Variants in UBR3 observed in about 807,000 individuals in gnomAD.
UBR3 encodes the protein E3 ubiquitin-protein ligase UBR3.
In UBR3, 85 loss-of-function variants were observed where a neutral mutation model predicts 243.2. The observed-to-expected ratio is 0.35, with a 90% CI of 0.29 to 0.42. UBR3 has a LOEUF of 0.42. UBR3 is among the 10% of genes least tolerant of loss of function. The pLI is 1.00. For synonymous variants in UBR3, 748 were observed against 799.8 expected (o/e 0.94, Z 1.09); for missense variants, 1,686 against 2,300.8 (o/e 0.73, Z 5.47).
chr2:170,028,741 A>T (rs747784671), intron 30 of UBR3, among the ~76,000 whole-genome samples: 1 of 150,778 alleles, frequency 6.6e-6, no homozygotes, highest in Non-Finnish European at 1.5e-5. Flanking sequence ...TCTAAATGTC[A>T]TGAGCAGAAT....
chr2:169,835,263 G>A (rs2082047490), intron 1 of UBR3, among the ~76,000 whole-genome samples: 1 of 152,036 alleles, frequency 6.6e-6, no homozygotes, highest in Non-Finnish European at 1.5e-5. Context: ...AGGCTGAGTT[G>A]GGAGTATTGC....
intron 1 of UBR3, among the ~76,000 whole-genome samples, chr2:169,843,415 G>A (rs918139116): frequency 6.6e-6 from 1 of 152,172 alleles, no homozygotes; most frequent in South Asian, 2.1e-4. Flanking sequence ...GCCTGAGCTA[G>A]TTCTGTCCAG....
chr2:169,973,364 C>T (rs1286687002), intron 24 of UBR3, among the ~76,000 whole-genome samples: 1 of 145,452 alleles, frequency 6.9e-6, no homozygotes, highest in African/African-American at 2.6e-5. Context: ...AGATTCAATG[C>T]CATCCCCATC....
At chr2:169,919,808 C>A (rs1340227586) in intron 11 of UBR3, among the ~76,000 whole-genome samples, 2 of 152,114 alleles carry the variant, frequency 1.3e-5, no homozygotes, top group Non-Finnish European at 2.9e-5. Flanking sequence ...AGTCAGGAAA[C>A]AACAGGTGCT....
chr2:170,030,540 G>C (rs562529564), intron 31 of UBR3, among the ~76,000 whole-genome samples: 9 of 151,772 alleles, frequency 5.9e-5, no homozygotes, highest in Admixed American at 2.6e-4. Context: ...TTAAAGTCTT[G>C]ATTCCTAATA....
chr2:170,080,894 G>A (rs2091893937), intron 38 of UBR3, among the ~76,000 whole-genome samples: 1 of 152,082 alleles, frequency 6.6e-6, no homozygotes, highest in Non-Finnish European at 1.5e-5. Context: ...TGAGGTTTTT[G>A]CCACAAAGAA....
At chr2:169,852,653 A>G (rs914456545) in intron 1 of UBR3, among the ~76,000 whole-genome samples, 2 of 150,414 alleles carry the variant, frequency 1.3e-5, no homozygotes, top group African/African-American at 2.4e-5. Flanking sequence ...GACCAGGTTG[A>G]CCAACGGGGT....
At chr2:169,838,385 ATTTGTGTGTGTGTGTGTGTG>A (rs1409003339) in intron 1 of UBR3, among the ~76,000 whole-genome samples, 4,024 of 131,642 alleles carry the variant, frequency 0.031, 102 homozygotes, top group Middle Eastern at 0.046. Flanking sequence ...AGATTAAGGC[ATTTGTGTGTGTGTGTGTGTG>A]TGTGTGTGTG....
At chr2:169,933,837 T>G (rs531422802) in intron 19 of UBR3, among the ~76,000 whole-genome samples, 13 of 152,092 alleles carry the variant, frequency 8.5e-5, no homozygotes, top group African/African-American at 3.1e-4. Context: ...GAATTTTAAT[T>G]CACTTCCTCC....
At chr2:170,024,082 T>C (rs1348193033) in intron 30 of UBR3, among the ~76,000 whole-genome samples, 1 of 152,142 alleles carries the variant, frequency 6.6e-6, no homozygotes, top group Non-Finnish European at 1.5e-5. Context: ...CTACCAGTTT[T>C]AGATTTCTTG....
At chr2:169,952,813 G>C (rs547979925) in intron 23 of UBR3, among the ~76,000 whole-genome samples, 2 of 152,050 alleles carry the variant, frequency 1.3e-5, no homozygotes, top group African/African-American at 4.8e-5. Flanking sequence ...ATTTGTTTCC[G>C]TGGGAGAAAG....
chr2:169,947,730 A>G lies in UBR3; in HGVS notation c.3084+15A>G. The G allele has an allele frequency of 6.9e-7, 1 of 1,443,102 alleles. No individual in the cohort carries two copies. The highest frequency in any genetic ancestry group is 9.1e-7 in the Non-Finnish European group (1 of 1,096,546). 89.4% of individuals were successfully genotyped at this position (1,443,102 alleles called of 1,614,324 possible). A position where few individuals can be genotyped will look rare whatever the true frequency, so the allele number is the denominator to read the frequency against. On this transcript the variant is annotated intron_variant, in intron 22 of 38. Coordinates refer to ENST00000272793, the MANE Select transcript of UBR3 (RefSeq NM_172070.4). ...GTTCTTTACAAGTAAGTGTAAATGTAAGAAAGAAAATAAGAAAAAGCTTTA... is the reference window on the plus strand; with the variant it reads ...GTTCTTTACAAGTAAGTGTAAATGTGAGAAAGAAAATAAGAAAAAGCTTTA...
intron 32 of UBR3, among the ~76,000 whole-genome samples, chr2:170,044,351 T>C (rs17634451): frequency 0.069 from 10,516 of 152,280 alleles, 385 homozygotes; most frequent in Non-Finnish European, 0.088. Context: ...CCTAGCTATA[T>C]ACCTCTTAAA....
intron 7 of UBR3, 61 bp from the exon 8 acceptor site, chr2:169,896,446 A>G (rs2084595974): frequency 9.1e-7 from 1 of 1,094,126 alleles, no homozygotes; most frequent in Admixed American, 3.1e-5. Context: ...TATATTGAAA[A>G]TGATTTTAAA....
intron 11 of UBR3, among the ~76,000 whole-genome samples, chr2:169,916,425 G>A (rs915109471): frequency 1.9e-4 from 29 of 151,808 alleles, no homozygotes; most frequent in African/African-American, 6.8e-4. Flanking sequence ...TCTCTGCTTT[G>A]ACTCTGAGTC....
chr2:169,877,230 C>T (rs6747239), intron 3 of UBR3, among the ~76,000 whole-genome samples: 116,659 of 152,104 alleles, frequency 0.77, 45,862 homozygotes, highest in Middle Eastern at 0.88. Context: ...CTTATTAATT[C>T]TTGTGCCCCA....
At chr2:169,993,502 T>C (rs981337440) in intron 25 of UBR3, among the ~76,000 whole-genome samples, 3 of 152,208 alleles carry the variant, frequency 2.0e-5, no homozygotes, top group African/African-American at 7.2e-5. Context: ...GAGTCCAAGT[T>C]GGTTGTTCCA....
chr2:169,836,031 CTCTCTCTCTCTCTATATATATA>C (rs1276441308), intron 1 of UBR3, among the ~76,000 whole-genome samples: 7 of 25,188 alleles, frequency 2.8e-4, no homozygotes, highest in African/African-American at 6.7e-4. Context: ...CTCTCTCTCT[CTCTCTCTCTCTCTATATATATA>C]TATATATATA....
chr2:169,958,497 A>C lies in UBR3; in HGVS notation c.3605A>C (p.Lys1202Thr). 6.2e-7 allele frequency: 1 copy of C among 1,613,132 alleles called. No individual in the cohort carries two copies. Among genetic ancestry groups the C allele is most frequent in the East Asian group, 2.2e-5 (1 of 44,794 alleles). The change falls in exon 24 of 39, where the codon AAA (lysine) becomes ACA (threonine). Residue 1202 changes from lysine (K) to threonine (T), a missense_variant. Lys to Thr is a moderately conservative substitution (Grantham distance 78). Around this residue, in one of 8 missense-constraint regions of UBR3, gnomAD observed 156 missense variants for 246.3 expected, o/e 0.63. Transcript: ENST00000272793. ...KLLAEFASRQKSFMETAMDVD... is the reference protein window; with the variant it reads ...KLLAEFASRQTSFMETAMDVD... ...CTTGCGGAGTTTGCTTCACGACAGA[A>C]AAGCTTTATGGAAACTGCAATGGAT...
Sources: gnomAD v4.1 joint callset for allele counts (sites outside exome capture counted in the v4.1 genomes callset) on GRCh38, gnomAD v4.1.1 for gene constraint, gnomAD v4.1.1 regional missense constraint, MANE v1.5 for transcripts, NCBI Gene and HGNC (gene_info 2026-07-23, HGNC 2026-07-21) for gene names.